Variants in PCP4 observed in about 807,000 individuals in gnomAD.
The protein encoded by PCP4 is Purkinje cell protein 4.
Under a neutral mutation model 10.0 loss-of-function variants are expected in PCP4, and 8 were observed. The ratio of observed to expected loss-of-function variants is 0.80; its 90% CI spans 0.47 to 1.45. PCP4 has a LOEUF of 1.45. PCP4 is among the 40% of genes most tolerant of loss of function. PCP4 has a pLI of 0.00. For synonymous variants in PCP4, 21 were observed against 23.0 expected (o/e 0.91, Z 0.24); for missense variants, 54 against 74.4 (o/e 0.73, Z 1.01).
chr21:39,881,170 G>C (rs1318306664), intron 1 of PCP4, among the ~76,000 whole-genome samples: 1 of 152,152 alleles, frequency 6.6e-6, no homozygotes, highest in Non-Finnish European at 1.5e-5. Context: ...TCTTCCAAAA[G>C]TATACAATCT....
At chr21:39,887,182 A>G (rs373126767) in intron 1 of PCP4, among the ~76,000 whole-genome samples, 2 of 152,340 alleles carry the variant, frequency 1.3e-5, no homozygotes, top group South Asian at 2.1e-4. Flanking sequence ...CTCTTACCAT[A>G]AAGGTCAGGA....
Position 39,883,858 on chromosome 21 carries a change from G to C in PCP4, c.10-14618G>C, listed in dbSNP as rs546074589. On this transcript the variant is annotated intron_variant, in intron 1 of 2. Transcript: ENST00000328619. ...AGGAGAAACATCTCTTCTTAAGCCT[G>C]TTTTACCATTATTTTGCTCTCTGAT... Among the ~76,000 whole-genome samples, 39 of 152,240 alleles carry C rather than the reference G, an allele frequency of 2.6e-4. 1 individual carries two copies. Among genetic ancestry groups the C allele is most frequent in the African/African-American group, 2.9e-4 (12 of 41,538 alleles).
rs762223657 is a variant in PCP4 at position 39,906,725 on chromosome 21, C to A, written c.61+8198C>A. Among the ~76,000 whole-genome samples, 1 of 152,170 alleles carries A rather than the reference C, an allele frequency of 6.6e-6. No homozygotes were observed. The highest frequency in any genetic ancestry group is 1.5e-5 in the Non-Finnish European group (1 of 68,034). On this transcript the variant is annotated intron_variant, in intron 2 of 2. Transcript: ENST00000328619. The surrounding 1 kb of genome is among the most constrained non-coding windows in gnomAD (Gnocchi z 6.3). ...CCACATCATACAGAGAAAGCTTATACACCTTGGTGAAAAAGTAAAGTTATA... is the reference window on the plus strand; with the variant it reads ...CCACATCATACAGAGAAAGCTTATAAACCTTGGTGAAAAAGTAAAGTTATA...
Position 39,906,093 on chromosome 21 carries a change from C to A in PCP4, c.61+7566C>A, listed in dbSNP as rs559493563. Among the ~76,000 whole-genome samples, 3 of 152,298 alleles carry A rather than the reference C, an allele frequency of 2.0e-5. No homozygotes were observed. The East Asian group carries it at 5.8e-4, about 29-fold the overall frequency. ...GTCTTCCCTTTGATGTTACCATGGC[C>A]TTGCAGGTGGGTTGGGAGAGGATCT... is the stretch of plus-strand genomic sequence containing the variant. On this transcript the variant is annotated intron_variant, in intron 2 of 2. Coordinates refer to ENST00000328619, the MANE Select transcript of PCP4 (RefSeq NM_006198.3). The surrounding 1 kb of genome is among the most constrained non-coding windows in gnomAD (Gnocchi z 6.3).
intron 2 of PCP4, chr21:39,925,941 A>G (rs2087618966): frequency 6.9e-6 from 3 of 434,854 alleles, no homozygotes; most frequent in Non-Finnish European, 1.4e-5. Context: ...GTGCCTGCTG[A>G]ATCTGGGGTA....
intron 2 of PCP4, among the ~76,000 whole-genome samples, chr21:39,921,261 C>A (rs1490802853): frequency 2.0e-5 from 3 of 152,216 alleles, no homozygotes; most frequent in Non-Finnish European, 2.9e-5. Flanking sequence ...AGAAGTCTGT[C>A]AGCTTGGTCT....
chr21:39,879,331 C>T (rs184236495), intron 1 of PCP4, among the ~76,000 whole-genome samples: 1 of 152,250 alleles, frequency 6.6e-6, no homozygotes, highest in East Asian at 1.9e-4. Context: ...TGTCAAGCAC[C>T]TCCACCAAAT....
chr21:39,889,441 G>T (rs2087417728), intron 1 of PCP4, among the ~76,000 whole-genome samples: 1 of 113,928 alleles, frequency 8.8e-6, no homozygotes, highest in Admixed American at 1.2e-4. Context: ...TTTTGAGACA[G>T]AGTCTTGCTC....
At chr21:39,889,930 G>A (rs1402356393) in intron 1 of PCP4, among the ~76,000 whole-genome samples, 1 of 152,164 alleles carries the variant, frequency 6.6e-6, no homozygotes, top group Non-Finnish European at 1.5e-5. Context: ...AGTGTACTGG[G>A]CTGAATTATT....
intron 1 of PCP4, among the ~76,000 whole-genome samples, chr21:39,869,901 A>G (rs1019198263): frequency 1.3e-4 from 20 of 152,206 alleles, no homozygotes; most frequent in Non-Finnish European, 2.4e-4. Flanking sequence ...AGCCAGAGCA[A>G]TGGATTTTGC....
In PCP4 at chr21:39,874,200, C is replaced by G. The variant is rs1387123284; in HGVS notation, c.9+6690C>G. Among the ~76,000 whole-genome samples the G allele has an allele frequency of 3.9e-5, 6 of 152,312 alleles. No individual in the cohort carries two copies. The South Asian group carries it at 1.0e-3, about 26-fold the overall frequency. Reference sequence around the variant, plus strand: ...CTCACAAAGGAGCTAGAATAGAGAGCAGGGGAGTCCCTCTCTTCAAGGTTT... The same window carrying G: ...CTCACAAAGGAGCTAGAATAGAGAGGAGGGGAGTCCCTCTCTTCAAGGTTT... On this transcript the variant is annotated intron_variant, in intron 1 of 2. Transcript: ENST00000328619.
At chr21:39,922,679 A>C (rs1482395565) in intron 2 of PCP4, among the ~76,000 whole-genome samples, 1 of 152,150 alleles carries the variant, frequency 6.6e-6, no homozygotes, top group Admixed American at 6.5e-5. Flanking sequence ...CAGAGGGAAA[A>C]GCCTCATTGC....
intron 1 of PCP4, among the ~76,000 whole-genome samples, chr21:39,885,731 C>T (rs912414715): frequency 2.6e-5 from 4 of 152,370 alleles, no homozygotes; most frequent in Middle Eastern, 3.4e-3. Flanking sequence ...GACGCCAGGA[C>T]AGGCCCCAGA....
At chr21:39,919,509 A>T (rs1401227551) in intron 2 of PCP4, among the ~76,000 whole-genome samples, 2 of 152,238 alleles carry the variant, frequency 1.3e-5, no homozygotes, top group Non-Finnish European at 2.9e-5. Context: ...GGACTATTAT[A>T]TCCCAATTTA....
chr21:39,872,615 A>G (rs983014247), intron 1 of PCP4, among the ~76,000 whole-genome samples: 1 of 152,248 alleles, frequency 6.6e-6, no homozygotes, highest in Non-Finnish European at 1.5e-5. Flanking sequence ...TATAGGCTGC[A>G]TAGTATTGAT....
intron 1 of PCP4, among the ~76,000 whole-genome samples, chr21:39,869,593 T>G (rs1265118580): frequency 6.6e-6 from 1 of 152,146 alleles, no homozygotes; most frequent in Non-Finnish European, 1.5e-5. Context: ...ACATGAGGCC[T>G]CCTCCCTCTG....
At chr21:39,922,253 G>C (rs1039922606) in intron 2 of PCP4, among the ~76,000 whole-genome samples, 1 of 152,134 alleles carries the variant, frequency 6.6e-6, no homozygotes, top group African/African-American at 2.4e-5. Context: ...CCCATCAAAT[G>C]ATCTGTAAAA....
At chr21:39,910,246 G>C (rs1303074217) in intron 2 of PCP4, among the ~76,000 whole-genome samples, 4 of 152,170 alleles carry the variant, frequency 2.6e-5, no homozygotes, top group Non-Finnish European at 4.4e-5. Context: ...TCAGACTCCA[G>C]TTGCTACCAG....
intron 1 of PCP4, among the ~76,000 whole-genome samples, chr21:39,893,152 C>T (rs1568854413): frequency 6.6e-6 from 1 of 152,192 alleles, no homozygotes; most frequent in Non-Finnish European, 1.5e-5. Flanking sequence ...ACTTCTGGCA[C>T]TGCCTTCTCT....
Sources: gnomAD v4.1 joint callset for allele counts (sites outside exome capture counted in the v4.1 genomes callset) on GRCh38, gnomAD v4.1.1 for gene constraint, Gnocchi (gnomAD v3.1) non-coding constraint, MANE v1.5 for transcripts, NCBI Gene and HGNC (gene_info 2026-07-23, HGNC 2026-07-21) for gene names.